ASB14: variants seen among roughly 807,000 people sequenced by gnomAD.
ASB14 encodes the protein ankyrin repeat and SOCS box protein 14.
In ASB14, 63 loss-of-function variants were observed where a neutral mutation model predicts 55.6. The observed-to-expected ratio is 1.13, with a 90% CI of 0.92 to 1.40. ASB14 has a LOEUF of 1.40. ASB14 is among the 40% of genes most tolerant of loss of function. The pLI, the probability that ASB14 is intolerant of heterozygous loss-of-function variation, is 0.00. For synonymous variants in ASB14, 256 were observed against 259.9 expected, an observed-to-expected ratio of 0.98 and a Z score of 0.15; for missense variants, 724 against 710.4, an observed-to-expected ratio of 1.02 and a Z score of -0.22.
intron 6 of ASB14, among the ~76,000 whole-genome samples, chr3:57,281,658 C>T (rs1007180151): frequency 3.3e-5 from 5 of 152,110 alleles, no homozygotes; most frequent in Admixed American, 1.3e-4. Flanking sequence ...AATTTTTAAA[C>T]TTTGTAACAA....
At chr3:57,289,862 T>G (rs1304322612) in intron 2 of ASB14, among the ~76,000 whole-genome samples, 2 of 152,052 alleles carry the variant, frequency 1.3e-5, no homozygotes, top group Non-Finnish European at 2.9e-5. Context: ...TTAGCCAGGA[T>G]GATCTCGATC....
chr3:57,288,311 G>T lies in ASB14; in HGVS notation c.179-25C>A, dbSNP rs955696032. On this transcript the variant is annotated intron_variant, in intron 3 of 10. Transcript: ENST00000487349. ...CCTATTAACGAGTCAAATGAGAACAGATTCACATTTGGCACACTTACAAGG... is the reference window on the plus strand; with the variant it reads ...CCTATTAACGAGTCAAATGAGAACATATTCACATTTGGCACACTTACAAGG... The T allele has an allele frequency of 2.6e-6, 4 of 1,535,090 alleles. 1 individual carries two copies. The Middle Eastern group carries it at 5.0e-4, about 192-fold the overall frequency.
At position 57,279,230 on chromosome 3, in the gene ASB14, A is replaced by AT. The variant is rs569459296; in HGVS notation, c.888-311dup. ...TCAGAGGATGCCTGGTTAAACAGCC[A>AT]TTTCTAGTTCTTCCTAGTTGGTCAA... On this transcript the variant is annotated intron_variant, in intron 7 of 10. Coordinates refer to ENST00000487349, the MANE Select transcript of ASB14 (RefSeq NM_001142733.3). 1.3e-3 allele frequency among the ~76,000 whole-genome samples: 172 copies of AT among 132,486 alleles called. No individual in the cohort carries two copies. In the Middle Eastern group the frequency reaches 0.019, roughly 15 times the overall value. The allele number at this position is 132,486 out of a possible 152,430, so 86.9% of individuals were successfully genotyped here.
rs534574725 is a variant in ASB14, at chr3:57,292,197, T to G, written c.-71-93A>C. 11 of 923,780 alleles carry G rather than the reference T, an allele frequency of 1.2e-5. No individual in the cohort carries two copies. In the South Asian group the frequency reaches 2.7e-4, roughly 22 times the overall value. The allele number at this position is 923,780 out of a possible 1,614,324, so 57.2% of individuals were successfully genotyped here. On this transcript the variant is annotated intron_variant, in intron 1 of 10. Coordinates refer to ENST00000487349, the MANE Select transcript of ASB14 (RefSeq NM_001142733.3). ...AAAATTTAGGAAACAAAATATTCAC[T>G]AAAAAATTTCTATAAACTTAAAAAA...
rs192342267 is a variant in ASB14 at position 57,286,019 on chromosome 3, T to C, written c.469+1882A>G. ...TTGAGATTTCCTATGTCTGAAAATA[T>C]CTTTTATGTCTTTAATCTACTGTCA... is the stretch of plus-strand genomic sequence containing the variant. On this transcript the variant is annotated intron_variant, in intron 5 of 10. Coordinates refer to ENST00000487349, the MANE Select transcript of ASB14 (RefSeq NM_001142733.3). Among the ~76,000 whole-genome samples, 7 of 152,324 alleles carry C rather than the reference T, an allele frequency of 4.6e-5. No homozygotes were observed. The East Asian group carries it at 1.3e-3, about 29-fold the overall frequency.
At position 57,278,671 on chromosome 3, in the gene ASB14, T is replaced by C; in HGVS notation, c.1137A>G (p.Gly379=). ...LSSVKLLLSA[G]ALPNQDPVNC... is the part of the protein sequence containing the mutation. ...TAACCGGGTCTTGATTAGGCAGAGCTCCAGCACTCAGAAGCAGCTTGACTG... is the reference window on the plus strand; with the variant it reads ...TAACCGGGTCTTGATTAGGCAGAGCCCCAGCACTCAGAAGCAGCTTGACTG... Residue 379 remains glycine, a synonymous_variant, in exon 8 of 11, where the codon GGA becomes GGG. Coordinates refer to ENST00000487349, the MANE Select transcript of ASB14 (RefSeq NM_001142733.3). The C allele has an allele frequency of 3.1e-6, 5 of 1,614,210 alleles. No homozygotes were observed. Among genetic ancestry groups the C allele is most frequent in the Non-Finnish European group, 4.2e-6 (5 of 1,180,042 alleles).
chr3:57,292,471 AAAT>A (rs2061141800), intron 1 of ASB14, among the ~76,000 whole-genome samples, 159 bp downstream of exon 1: 1 of 152,262 alleles, frequency 6.6e-6, no homozygotes, highest in Non-Finnish European at 1.5e-5. Flanking sequence ...TATACATTAA[AAAT>A]AAACATGTTA....
At chr3:57,291,831 A>T in intron 2 of ASB14, 81 bp downstream of exon 2, 1 of 1,260,864 alleles carries the variant, frequency 7.9e-7, no homozygotes, top group Non-Finnish European at 1.1e-6. Context: ...TTTTTGTCAC[A>T]ACACTAGAGT....
intron 10 of ASB14, among the ~76,000 whole-genome samples, chr3:57,274,660 C>G (rs901352664): frequency 6.6e-6 from 1 of 152,164 alleles, no homozygotes; most frequent in African/African-American, 2.4e-5. Context: ...ACACTCCAGC[C>G]TGGGTGACAG....
At chr3:57,272,560 G>T (rs780903009) in intron 10 of ASB14, 1 of 152,064 alleles carries the variant, frequency 6.6e-6, no homozygotes, top group Non-Finnish European at 1.5e-5. Flanking sequence ...GAGATCCTAA[G>T]AGCTAGTATG....
chr3:57,268,773 C>G lies in ASB14; in HGVS notation c.*868G>C, dbSNP rs2060913221. The G allele has an allele frequency of 5.4e-6, 1 of 185,914 alleles. No individual in the cohort carries two copies. Among genetic ancestry groups the G allele is most frequent in the African/African-American group, 2.3e-5 (1 of 42,782 alleles). 11.5% of individuals were successfully genotyped at this position (185,914 alleles called of 1,614,324 possible). A position where few individuals can be genotyped will look rare whatever the true frequency, so the allele number is the denominator to read the frequency against. Reference sequence around the variant, plus strand: ...CAAAGCAGTTGAGAGGCTGTGTAGACTTAACTGCCATTGCTGAAAGCCATT... The same window carrying G: ...CAAAGCAGTTGAGAGGCTGTGTAGAGTTAACTGCCATTGCTGAAAGCCATT... On this transcript the variant is annotated 3_prime_UTR_variant, in exon 11 of 11. Coordinates refer to ENST00000487349, the MANE Select transcript of ASB14 (RefSeq NM_001142733.3).
In ASB14 at chr3:57,290,686, G is replaced by A. The variant is rs79771677; in HGVS notation, c.122+1226C>T. Among the ~76,000 whole-genome samples, 15 of 152,220 alleles carry A rather than the reference G, an allele frequency of 9.9e-5. No individual in the cohort carries two copies. The East Asian group carries it at 1.5e-3, about 16-fold the overall frequency. On this transcript the variant is annotated intron_variant, in intron 2 of 10. Transcript: ENST00000487349. ...CTAATCAAGTAAATGCATAACCACA[G>A]TCAATTTCAGTTTCTCTGAAACATT...
Position 57,280,323 on chromosome 3 carries a change from G to A in ASB14, c.866C>T (p.Ala289Val). The part of the protein sequence containing the change: ...KNSGHLPIHV[A>V]ADRGHLLALK... Reference sequence around the variant, plus strand: ...TAACAGTAAGTGGCCCCTGTCAGCTGCCACATGGATGGGCAGGTGGCCTGA... The same window carrying A: ...TAACAGTAAGTGGCCCCTGTCAGCTACCACATGGATGGGCAGGTGGCCTGA... The change falls in exon 7 of 11, where the codon GCA (alanine) becomes GTA (valine). Residue 289 changes from alanine to valine, a missense_variant. Physicochemically the swap from Ala to Val is moderately conservative, Grantham distance 64 (BLOSUM62 0). Transcript: ENST00000487349. 1 of 1,549,696 alleles carries A rather than the reference G, an allele frequency of 6.5e-7. No individual in the cohort carries two copies. The highest frequency in any genetic ancestry group is 8.7e-7 in the Non-Finnish European group (1 of 1,145,754).
At chr3:57,278,301 G>C (rs890646939) in intron 8 of ASB14, 76 bp downstream of exon 8, 1 of 1,175,782 alleles carries the variant, frequency 8.5e-7, no homozygotes, top group Non-Finnish European at 1.2e-6. Context: ...GAGAGTGGAT[G>C]TAATCTATTT....
Position 57,288,255 on chromosome 3 carries a change from CTTGGTTAAG to C in ASB14, c.201_209del (p.His67_Lys70delinsGln), listed in dbSNP as rs1292907205. ...CTGCTTCACCAAATGCGGAATGGTA[CTTGGTTAAG>C]TGTGACAATGCATCTTCCTTACCTA... On this transcript the variant is annotated inframe_deletion, in exon 4 of 11. Coordinates refer to ENST00000487349, the MANE Select transcript of ASB14 (RefSeq NM_001142733.3). 1 of 1,536,802 alleles carries C rather than the reference CTTGGTTAAG, an allele frequency of 6.5e-7. No homozygotes were observed. The highest frequency in any genetic ancestry group is 1.4e-5 in the African/African-American group (1 of 73,030).
intron 10 of ASB14, chr3:57,273,455 A>T (rs1175057542): frequency 6.6e-6 from 1 of 152,616 alleles, no homozygotes; most frequent in Non-Finnish European, 1.5e-5. Flanking sequence ...ATTTTTGTAC[A>T]GTGTTTTTTA....
chr3:57,277,284 G>A (rs1375025721), intron 9 of ASB14, among the ~76,000 whole-genome samples: 1 of 150,658 alleles, frequency 6.6e-6, no homozygotes, highest in Non-Finnish European at 1.5e-5. Context: ...AAAAAAATCT[G>A]TGTGTTTTAG....
rs199779393 is a variant in ASB14 at position 57,284,941 on chromosome 3, G to T, written c.470-1502C>A. 1.7e-3 allele frequency among the ~76,000 whole-genome samples: 231 copies of T among 132,152 alleles called. 1 individual carries two copies. Among genetic ancestry groups the T allele is most frequent in the East Asian group, 7.6e-3 (35 of 4,610 alleles). 86.7% of individuals were successfully genotyped at this position (132,152 alleles called of 152,430 possible). The stretch of plus-strand genomic sequence containing the variant: ...TGGTCTCTCTTTAATTTTCAGTGTT[G>T]TTTTTTTTTTTTTTTTGAGACAGAG... On this transcript the variant is annotated intron_variant, in intron 5 of 10. Transcript: ENST00000487349.
At chr3:57,287,784 T>G in intron 5 of ASB14, 117 bp downstream of exon 5, 2 of 1,156,386 alleles carry the variant, frequency 1.7e-6, no homozygotes, top group Non-Finnish European at 1.2e-6. Context: ...CCATGTCTGG[T>G]CAGTTGGGAA....
Sources: gnomAD v4.1 joint callset for allele counts (sites outside exome capture counted in the v4.1 genomes callset) on GRCh38, gnomAD v4.1.1 for gene constraint, MANE v1.5 for transcripts, NCBI Gene and HGNC (gene_info 2026-07-23, HGNC 2026-07-21) for gene names.